DENND2A: variants seen among roughly 807,000 people sequenced by gnomAD.
DENND2A encodes the protein DENN domain-containing protein 2A.
DENND2A carries 53 observed loss-of-function variants against 105.3 expected under a neutral mutation model. That is an observed-to-expected ratio of 0.50 (90% confidence interval 0.40 to 0.63). The LOEUF is 0.63. DENND2A is among the 30% of genes least tolerant of loss of function. The probability of loss-of-function intolerance (pLI) is 0.00; values close to 1 mark genes in which losing one functional copy is unlikely to be tolerated. For synonymous variants in DENND2A, 522 were observed against 508.4 expected (o/e 1.03, Z -0.36); for missense variants, 1,138 against 1,279.6 (o/e 0.89, Z 1.69).
chr7:140,602,656 T>A, intron 2 of DENND2A, 114 bp from the exon 3 acceptor site: 1 of 320,422 alleles, frequency 3.1e-6, no homozygotes, highest in Non-Finnish European at 5.6e-6. Flanking sequence ...CCACAAACAT[T>A]GAAATTCCTA....
At chr7:140,538,088 CA>C (rs1372959683) in intron 14 of DENND2A, among the ~76,000 whole-genome samples, 1 of 152,120 alleles carries the variant, frequency 6.6e-6, no homozygotes, top group Non-Finnish European at 1.5e-5. Context: ...TAAAACAGAG[CA>C]AAAATGTTAT....
intron 12 of DENND2A, among the ~76,000 whole-genome samples, chr7:140,549,244 A>G (rs1797022897): frequency 6.6e-6 from 1 of 151,396 alleles, no homozygotes; most frequent in Non-Finnish European, 1.5e-5. Flanking sequence ...AGTGTAAAAT[A>G]CCAATGGAAT....
chr7:140,553,831 G>A (rs1219377678), intron 12 of DENND2A, among the ~76,000 whole-genome samples: 1 of 152,210 alleles, frequency 6.6e-6, no homozygotes, highest in African/African-American at 2.4e-5. Context: ...TAGATTAACA[G>A]CATCTCAAGG....
At chr7:140,585,546 G>A (rs770093818) in intron 5 of DENND2A, 43 bp downstream of exon 5, 23 of 1,612,592 alleles carry the variant, frequency 1.4e-5, no homozygotes, top group Non-Finnish European at 1.9e-5. Flanking sequence ...AGGCCACCAT[G>A]CTTTGGCCCC....
intron 4 of DENND2A, among the ~76,000 whole-genome samples, chr7:140,586,538 G>C (rs1208112317): frequency 2.6e-5 from 4 of 152,050 alleles, no homozygotes; most frequent in African/African-American, 9.7e-5. Context: ...CTGGGTAACA[G>C]AGTGAGACTC....
At chr7:140,535,959 T>C (rs1279920638) in intron 14 of DENND2A, among the ~76,000 whole-genome samples, 1 of 152,148 alleles carries the variant, frequency 6.6e-6, no homozygotes, top group Non-Finnish European at 1.5e-5. Context: ...CAGGAGCTTT[T>C]GTTGAGGCCA....
In DENND2A at chr7:140,601,997, T is replaced by TC. The variant is rs1316723293; in HGVS notation, c.400dup (p.Glu134GlyfsTer5). The TC allele has an allele frequency of 6.2e-7, 1 of 1,614,218 alleles. No individual in the cohort carries two copies. The highest frequency in any genetic ancestry group is 1.7e-5 in the Admixed American group (1 of 60,028). On this transcript the variant is annotated frameshift_variant, in exon 3 of 20. Transcript: ENST00000496613. LOFTEE classifies it high-confidence loss of function. The stretch of plus-strand genomic sequence containing the variant: ...GCCTCGGCCCCAGCTAGGATCCACT[T>TC]CCCGTTCTGGCTGGCTTAGGTCTTG...
chr7:140,576,823 G>A (rs1040423856), intron 5 of DENND2A, among the ~76,000 whole-genome samples: 2 of 152,148 alleles, frequency 1.3e-5, no homozygotes, highest in African/African-American at 4.8e-5. Context: ...AGCCTTCTTT[G>A]AGGCCAAATT....
At chr7:140,612,793 C>T (rs1171969220) in intron 1 of DENND2A, among the ~76,000 whole-genome samples, 1 of 151,956 alleles carries the variant, frequency 6.6e-6, no homozygotes, top group Non-Finnish European at 1.5e-5. Context: ...TGAGCCACTG[C>T]GTCCAGCCCT....
chr7:140,570,314 G>A (rs74390720), intron 6 of DENND2A, among the ~76,000 whole-genome samples: 434 of 152,318 alleles, frequency 2.8e-3, no homozygotes, highest in African/African-American at 9.7e-3. Context: ...AGAGACCCAT[G>A]GGGAGACAGC....
chr7:140,641,341 G>C (rs1801199717), upstream of DENND2A: 1 of 152,700 alleles, frequency 6.5e-6, no homozygotes, highest in Non-Finnish European at 1.5e-5. Flanking sequence ...CGGGCGGGAA[G>C]GGAGGTGGTC....
rs1288730011 is a variant in DENND2A at position 140,592,034 on chromosome 7, TTTC to T, written c.996-4257_996-4255del. The stretch of plus-strand genomic sequence containing the variant: ...CTCCTCTCCCCTCCCCTCCCCTTCT[TTTC>T]TTCTTCTTTTTTTTTTTTTTGATGG... On this transcript the variant is annotated intron_variant, in intron 3 of 19. Coordinates refer to ENST00000496613, the MANE Select transcript of DENND2A (RefSeq NM_015689.5). Among the ~76,000 whole-genome samples, 26 of 117,778 alleles carry T rather than the reference TTTC, an allele frequency of 2.2e-4. No homozygotes were observed. In the South Asian group the frequency reaches 3.0e-3, roughly 14 times the overall value. 77.3% of individuals were successfully genotyped at this position (117,778 alleles called of 152,430 possible).
chr7:140,598,926 A>C (rs939411483), intron 3 of DENND2A, among the ~76,000 whole-genome samples: 1 of 152,210 alleles, frequency 6.6e-6, no homozygotes, highest in Admixed American at 6.6e-5. Context: ...GGAGAGAGAC[A>C]AAGTGATTAT....
chr7:140,543,065 C>T (rs1283538639), intron 14 of DENND2A, among the ~76,000 whole-genome samples: 1 of 151,820 alleles, frequency 6.6e-6, no homozygotes, highest in African/African-American at 2.4e-5. Flanking sequence ...GGAGAGTCGG[C>T]TTATGTCTCT....
intron 9 of DENND2A, among the ~76,000 whole-genome samples, chr7:140,560,446 T>C (rs1205167890): frequency 1.3e-5 from 2 of 152,188 alleles, no homozygotes; most frequent in African/African-American, 4.8e-5. Flanking sequence ...TTAATCTTTT[T>C]TTCCTCTCTC....
intron 1 of DENND2A, among the ~76,000 whole-genome samples, chr7:140,621,859 G>C (rs569843043): frequency 1.3e-5 from 2 of 152,324 alleles, no homozygotes; most frequent in African/African-American, 4.8e-5. Context: ...AATTTCGTTT[G>C]GGGTACGTGG....
intron 1 of DENND2A, among the ~76,000 whole-genome samples, chr7:140,621,984 A>C (rs577951841): frequency 4.7e-4 from 72 of 152,332 alleles, no homozygotes; most frequent in African/African-American, 1.7e-3. Flanking sequence ...AATGATTTTT[A>C]GGATTTCTTT....
chr7:140,593,436 T>C (rs2130666499), intron 3 of DENND2A, among the ~76,000 whole-genome samples: 1 of 152,362 alleles, frequency 6.6e-6, no homozygotes, highest in South Asian at 2.1e-4. Flanking sequence ...TTATAACCTA[T>C]GTAATAGCCA....
At chr7:140,532,163 G>A (rs376784660) in intron 14 of DENND2A, among the ~76,000 whole-genome samples, 46 of 152,232 alleles carry the variant, frequency 3.0e-4, no homozygotes, top group African/African-American at 1.1e-3. Flanking sequence ...TACTCGGGAG[G>A]GAGGCTGAGG....
Sources: gnomAD v4.1 joint callset for allele counts (sites outside exome capture counted in the v4.1 genomes callset) on GRCh38, gnomAD v4.1.1 for gene constraint, MANE v1.5 for transcripts, NCBI Gene and HGNC (gene_info 2026-07-23, HGNC 2026-07-21) for gene names.